TMEM114: variants seen among roughly 807,000 people sequenced by gnomAD.
TMEM114 encodes transmembrane protein 114, also known as claudin-26.
A neutral mutation model predicts 6.2 loss-of-function variants in TMEM114; 6 were observed. The ratio of observed to expected loss-of-function variants is 0.97; its 90% CI spans 0.53 to 1.91. The LOEUF is 1.91. TMEM114 is among the 40% of genes most tolerant of loss of function. The pLI, the probability that TMEM114 is intolerant of heterozygous loss-of-function variation, is 0.01. For missense variants in TMEM114, 218 were observed against 158.3 expected (o/e 1.38, Z -2.02); for synonymous variants, 104 against 73.0 (o/e 1.42, Z -2.16).
intron 2 of TMEM114, among the ~76,000 whole-genome samples, chr16:8,550,617 G>A (rs992482268): frequency 6.6e-6 from 1 of 151,488 alleles, no homozygotes; most frequent in Non-Finnish European, 1.5e-5. Flanking sequence ...GGCAGAGGTT[G>A]CAGTGAGCTG....
chr16:8,564,414 T>A (rs895149798), intron 2 of TMEM114, among the ~76,000 whole-genome samples: 4 of 150,360 alleles, frequency 2.7e-5, no homozygotes, highest in Non-Finnish European at 5.9e-5. Context: ...AATGAGTGAG[T>A]GAGTAAATGA....
At chr16:8,538,133 CAAA>C (rs59194084) in intron 2 of TMEM114, among the ~76,000 whole-genome samples, 1 of 76,336 alleles carries the variant, frequency 1.3e-5, no homozygotes, top group African/African-American at 5.6e-5. Flanking sequence ...ACTGTCTCTA[CAAA>C]AAAAAAAAAA....
At chr16:8,580,482 A>G (rs1902101333) in intron 2 of TMEM114, among the ~76,000 whole-genome samples, 1 of 149,796 alleles carries the variant, frequency 6.7e-6, no homozygotes, top group Non-Finnish European at 1.5e-5. Flanking sequence ...GAGTGACTCC[A>G]TCTCAAAAGA....
chr16:8,528,879 G>C, the TMEM114 span, among the ~76,000 whole-genome samples: 3 of 152,160 alleles, frequency 2.0e-5, no homozygotes, highest in Non-Finnish European at 2.9e-5. Context: ...ATTCTTGGTA[G>C]GGGGGATATT....
chr16:8,542,027 G>A (rs576992237), intron 2 of TMEM114, among the ~76,000 whole-genome samples: 1 of 152,294 alleles, frequency 6.6e-6, no homozygotes, highest in African/African-American at 2.4e-5. Flanking sequence ...ACAGCATGGT[G>A]ACCAAGAAAA....
At chr16:8,542,499 G>T (rs967537080) in intron 2 of TMEM114, among the ~76,000 whole-genome samples, 36 of 152,156 alleles carry the variant, frequency 2.4e-4, no homozygotes, top group African/African-American at 8.4e-4. Context: ...AAAGGATTGG[G>T]CCTGATTGAG....
chr16:8,570,146 G>C, intron 3 of TMEM114, 141 bp from the exon 4 acceptor site: 3 of 1,179,242 alleles, frequency 2.5e-6, no homozygotes, highest in Non-Finnish European at 3.5e-6. Flanking sequence ...GCGCGTGCTA[G>C]TCTCCCCGCT....
At chr16:8,560,103 C>T (rs1192237645) in intron 2 of TMEM114, among the ~76,000 whole-genome samples, 1 of 152,180 alleles carries the variant, frequency 6.6e-6, no homozygotes, top group Non-Finnish European at 1.5e-5. Flanking sequence ...CTCAATTCCC[C>T]CACCTCAGCC....
the TMEM114 span, among the ~76,000 whole-genome samples, chr16:8,527,652 G>A: frequency 2.0e-5 from 3 of 152,058 alleles, no homozygotes; most frequent in Non-Finnish European, 4.4e-5. Flanking sequence ...ATTCTCACAT[G>A]GGACCATTGA....
chr16:8,580,090 G>A (rs1270615471), intron 2 of TMEM114, among the ~76,000 whole-genome samples: 1 of 152,154 alleles, frequency 6.6e-6, no homozygotes, highest in African/African-American at 2.4e-5. Flanking sequence ...AGGTGAGCCA[G>A]GGTCACAAAT....
At position 8,561,604 on chromosome 16, in the gene TMEM114, T is replaced by C. The variant is rs540005403; in HGVS notation, n.213-23778A>G. ...TGTTGAATGAATGAGTCGATGAGCA[T>C]ATGAATGAGTAAGTGAATGAATGAA... is the stretch of plus-strand genomic sequence containing the variant. On this transcript the variant is annotated intron_variant and non_coding_transcript_variant, in intron 2 of 2. Transcript: ENST00000623677. Among the ~76,000 whole-genome samples the C allele has an allele frequency of 2.6e-5, 4 of 152,350 alleles. No homozygotes were observed. In the South Asian group the frequency reaches 6.2e-4, roughly 24 times the overall value.
chr16:8,584,643 C>A (rs541781318), intron 2 of TMEM114, among the ~76,000 whole-genome samples: 5 of 152,260 alleles, frequency 3.3e-5, no homozygotes, highest in African/African-American at 7.2e-5. Flanking sequence ...ACATACCTGG[C>A]TGGGCGTAAT....
chr16:8,537,463 T>G (rs1900392952), downstream of TMEM114: 1 of 152,248 alleles, frequency 6.6e-6, no homozygotes, highest in Non-Finnish European at 1.5e-5. Context: ...ACCTCACTAT[T>G]ACACCCCAGC....
rs1901652522 is a variant in TMEM114 at position 8,569,545 on chromosome 16, T to C, written c.*228A>G. On this transcript the variant is annotated 3_prime_UTR_variant, in exon 4 of 4. Transcript: ENST00000620492. Reference sequence around the variant, plus strand: ...TATTTCTCGCGAAGCGGTTTGGCACTCCCTCGGGCTCCTCCAGGCCACACG... The same window carrying C: ...TATTTCTCGCGAAGCGGTTTGGCACCCCCTCGGGCTCCTCCAGGCCACACG... 3 of 1,401,344 alleles carry C rather than the reference T, an allele frequency of 2.1e-6. No homozygotes were observed. Among genetic ancestry groups the C allele is most frequent in the South Asian group, 1.7e-5 (1 of 59,530 alleles). The allele number at this position is 1,401,344 out of a possible 1,614,324, so 86.8% of individuals were successfully genotyped here. A position where few individuals can be genotyped will look rare whatever the true frequency, so the allele number is the denominator to read the frequency against.
chr16:8,544,793 A>G (rs1182172513), intron 2 of TMEM114, among the ~76,000 whole-genome samples: 1 of 152,206 alleles, frequency 6.6e-6, no homozygotes, highest in Non-Finnish European at 1.5e-5. Flanking sequence ...TATTTTGTTC[A>G]ACCCAATCAA....
At chr16:8,537,988 G>C (rs1900410534) in intron 2 of TMEM114, among the ~76,000 whole-genome samples, 1 of 151,948 alleles carries the variant, frequency 6.6e-6, no homozygotes, top group South Asian at 2.1e-4. Flanking sequence ...GGGTGGGTGG[G>C]GGGCAATATT....
At chr16:8,548,898 T>C (rs1900756101) in intron 2 of TMEM114, among the ~76,000 whole-genome samples, 3 of 152,042 alleles carry the variant, frequency 2.0e-5, no homozygotes, top group Admixed American at 2.0e-4. Flanking sequence ...GAATGCATGA[T>C]CTCGCCAGGC....
In TMEM114 at chr16:8,578,808, G is replaced by A. The variant is rs866868692; in HGVS notation, c.302-6584C>T. Among the ~76,000 whole-genome samples, 4 of 152,122 alleles carry A rather than the reference G, an allele frequency of 2.6e-5. No homozygotes were observed. In the East Asian group the frequency reaches 5.8e-4, roughly 22 times the overall value. On this transcript the variant is annotated intron_variant, in intron 2 of 3. Transcript: ENST00000620492. ...AGCCTGGGCAACATGGTGAAACCCC[G>A]TCTCTACTAAAAACACAAAAATTAG...
chr16:8,529,479 C>G, the TMEM114 span, among the ~76,000 whole-genome samples: 1 of 152,154 alleles, frequency 6.6e-6, no homozygotes, highest in Non-Finnish European at 1.5e-5. Context: ...GAGAAGTGGA[C>G]AGGGAGTGTT....
Sources: gnomAD v4.1 joint callset for allele counts (sites outside exome capture counted in the v4.1 genomes callset) on GRCh38, gnomAD v4.1.1 for gene constraint, MANE v1.5 for transcripts, NCBI Gene and HGNC (gene_info 2026-07-23, HGNC 2026-07-21) for gene names.